The following MCM5 variants were observed in gnomAD, a reference collection of about 807,000 sequenced individuals.
MCM5 encodes the protein minichromosome maintenance complex component 5.
Under a neutral mutation model 79.9 loss-of-function variants are expected in MCM5, and 46 were observed. The ratio of observed to expected loss-of-function variants is 0.58; its 90% CI spans 0.45 to 0.74. The LOEUF is 0.74. Ranked by LOEUF, MCM5 falls within the 30% of genes least tolerant of loss-of-function variation. The pLI, the probability that MCM5 is intolerant of heterozygous loss-of-function variation, is 0.00. For synonymous variants in MCM5, 404 were observed against 390.5 expected (o/e 1.03, Z -0.41); for missense variants, 883 against 1,017.0 (o/e 0.87, Z 1.79).
chr22:35,438,149 C>G, the MCM5 span, among the ~76,000 whole-genome samples: 7 of 152,268 alleles, frequency 4.6e-5, no homozygotes, highest in South Asian at 4.1e-4. Context: ...GTGTAAATAA[C>G]CCTGCTCTTA....
At chr22:35,453,339 C>CAG in the MCM5 span, among the ~76,000 whole-genome samples, 30,275 of 151,436 alleles carry the variant, frequency 0.2, 3,410 homozygotes, top group African/African-American at 0.31. Context: ...ACAGAGACAA[C>CAG]GGGGCTGAGC....
chr22:35,444,165 A>C, the MCM5 span, among the ~76,000 whole-genome samples: 1 of 53,462 alleles, frequency 1.9e-5, no homozygotes. Flanking sequence ...ACTGACAGGC[A>C]GGAGAGAGAG....
chr22:35,408,496 C>T lies in MCM5; in HGVS notation c.685C>T (p.Leu229=), dbSNP rs2145788309. 1 of 1,614,236 alleles carries T rather than the reference C, an allele frequency of 6.2e-7. No homozygotes were observed. Among genetic ancestry groups the T allele is most frequent in the Non-Finnish European group, 8.5e-7 (1 of 1,180,028 alleles). ...CKCVDFQTLK[L]QELPDAVPHG... ...ATGCGTGGACTTCCAGACCCTGAAG[C>T]TGCAGGAGCTGCCTGATGCAGTCCC... The change falls in exon 6 of 17, where the codon CTG becomes TTG. Residue 229 remains leucine (L), a synonymous_variant. Coordinates refer to ENST00000216122, the MANE Select transcript of MCM5 (RefSeq NM_006739.4).
At chr22:35,424,082 C>T (rs1018622515) in intron 16 of MCM5, 72 bp from the exon 17 acceptor site, 2 of 983,706 alleles carry the variant, frequency 2.0e-6, no homozygotes, top group African/African-American at 3.3e-5. Flanking sequence ...CCCCGTGAGC[C>T]TGGGGATGTC....
chr22:35,416,602 A>G (rs1415451408), intron 11 of MCM5, 36 bp from the exon 12 acceptor site: 1 of 1,580,376 alleles, frequency 6.3e-7, no homozygotes, highest in African/African-American at 1.4e-5. Context: ...CATCTTTGCC[A>G]TCTCCTCCCC....
chr22:35,445,205 C>G, the MCM5 span, among the ~76,000 whole-genome samples: 2 of 152,202 alleles, frequency 1.3e-5, no homozygotes, highest in Non-Finnish European at 2.9e-5. Flanking sequence ...CGTGACCTCA[C>G]AGGTGGACAC....
intron 15 of MCM5, 55 bp downstream of exon 15, chr22:35,421,515 C>T: frequency 6.2e-7 from 1 of 1,611,246 alleles, no homozygotes. Context: ...TGGCTCGGAG[C>T]TCTGTGGGCA....
chr22:35,427,187 G>A (rs545562975), downstream of MCM5, among the ~76,000 whole-genome samples: 4 of 152,330 alleles, frequency 2.6e-5, no homozygotes, highest in South Asian at 4.1e-4. Context: ...CAAAGTCACA[G>A]AGCACAGGGA....
At position 35,403,240 on chromosome 22, in the gene MCM5, G is replaced by T. The variant is rs759149447; in HGVS notation, c.201G>T (p.Glu67Asp). The T allele has an allele frequency of 3.1e-6, 5 of 1,614,156 alleles. No homozygotes were observed. Among genetic ancestry groups the T allele is most frequent in the Admixed American group, 3.3e-5 (2 of 60,016 alleles). The change falls in exon 3 of 17, where the codon GAG (glutamate) becomes GAT (aspartate). Residue 67 changes from glutamate (E) to aspartate (D), a missense_variant. Physicochemically the swap from Glu to Asp is conservative, Grantham distance 45. Transcript: ENST00000216122. ...TCAAGCGGCATTACAACCTGGGGGA[G>T]TACTGGATTGAGGTGGAGATGGAGG... ...DELKRHYNLG[E>D]YWIEVEMEDL...
the MCM5 span, among the ~76,000 whole-genome samples, chr22:35,441,668 A>G: frequency 2.6e-5 from 4 of 152,104 alleles, no homozygotes; most frequent in East Asian, 3.9e-4. Context: ...AGGACTGGGC[A>G]AGGTGATTCC....
the MCM5 span, among the ~76,000 whole-genome samples, chr22:35,449,941 C>T: frequency 3.3e-5 from 5 of 152,052 alleles, no homozygotes; most frequent in Non-Finnish European, 5.9e-5. Context: ...ACCACCATGC[C>T]CAGCTAATTA....
the MCM5 span, among the ~76,000 whole-genome samples, chr22:35,439,517 A>G: frequency 4.6e-5 from 7 of 151,558 alleles, no homozygotes; most frequent in Admixed American, 3.3e-4. Flanking sequence ...TCATCCATTC[A>G]TCCACCCACA....
the MCM5 span, among the ~76,000 whole-genome samples, chr22:35,453,509 G>A: frequency 2.8e-5 from 4 of 144,922 alleles, no homozygotes; most frequent in Non-Finnish European, 4.5e-5. Flanking sequence ...CAGAGATGGG[G>A]TAGAGCATCA....
chr22:35,416,757 G>T lies in MCM5; in HGVS notation c.1533G>T (p.Leu511Phe). ...EDNIDFMPTILSRFDMIFIVK... is the reference protein window; with the variant it reads ...EDNIDFMPTIFSRFDMIFIVK... ...ACATTGACTTCATGCCCACCATCTTGTCGCGCTTCGACATGATCTTCATCG... is the reference window on the plus strand; with the variant it reads ...ACATTGACTTCATGCCCACCATCTTTTCGCGCTTCGACATGATCTTCATCG... The change falls in exon 12 of 17, where the codon TTG becomes TTT. Residue 511 changes from leucine to phenylalanine, a missense_variant. Leu to Phe is a conservative substitution (Grantham distance 22). Transcript: ENST00000216122. The T allele has an allele frequency of 6.2e-7, 1 of 1,614,124 alleles. No individual in the cohort carries two copies. Among genetic ancestry groups the T allele is most frequent in the Non-Finnish European group, 8.5e-7 (1 of 1,180,040 alleles).
At chr22:35,453,819 T>TATATATAGAGAGAGAGAGAGAGAGAG in the MCM5 span, among the ~76,000 whole-genome samples, 2 of 81,536 alleles carry the variant, frequency 2.5e-5, no homozygotes, top group African/African-American at 1.2e-4. Flanking sequence ...TATATATATA[T>TATATATAGAGAGAGAGAGAGAGAGAG]AGAGAGAGAG....
chr22:35,444,330 A>G, the MCM5 span, among the ~76,000 whole-genome samples: 1 of 152,144 alleles, frequency 6.6e-6, no homozygotes, highest in Non-Finnish European at 1.5e-5. Context: ...AGGGGGAAGC[A>G]GAGAGAGAGC....
chr22:35,417,657 C>A, intron 12 of MCM5, 87 bp from the exon 13 acceptor site: 1 of 915,902 alleles, frequency 1.1e-6, no homozygotes. Context: ...AGGGCCCCAT[C>A]AGCTCTTTCT....
chr22:35,431,019 G>A, the MCM5 span, among the ~76,000 whole-genome samples: 1 of 152,186 alleles, frequency 6.6e-6, no homozygotes, highest in East Asian at 1.9e-4. Context: ...CAGGCCCGGG[G>A]CTGCAGCCTC....
At chr22:35,422,789 T>C (rs1739029411) in intron 15 of MCM5, 1 of 154,416 alleles carries the variant, frequency 6.5e-6, no homozygotes, top group Admixed American at 6.5e-5. Flanking sequence ...TCAGGGCACC[T>C]CGTAGATGTG....
Sources: gnomAD v4.1 joint callset for allele counts (sites outside exome capture counted in the v4.1 genomes callset) on GRCh38, gnomAD v4.1.1 for gene constraint, MANE v1.5 for transcripts, NCBI Gene and HGNC (gene_info 2026-07-23, HGNC 2026-07-21) for gene names.